The following PAFAH1B2 variants were observed in gnomAD, a reference collection of about 807,000 sequenced individuals.
PAFAH1B2 encodes platelet-activating factor acetylhydrolase IB subunit alpha2.
Under a neutral mutation model 28.0 loss-of-function variants are expected in PAFAH1B2, and 8 were observed. That is an observed-to-expected ratio of 0.29 (90% CI 0.17 to 0.52). The LOEUF (loss-of-function observed/expected upper bound fraction) is 0.52, where lower values mean the gene tolerates loss of function less well. Among genes scored for constraint, PAFAH1B2 ranks in the 20% least tolerant of loss-of-function variants. PAFAH1B2 has a pLI of 0.97. For missense variants in PAFAH1B2, 190 were observed against 282.6 expected (o/e 0.67, Z 2.35); for synonymous variants, 104 against 103.2 (o/e 1.01, Z -0.05).
chr11:117,148,614 A>G (rs1956069992), intron 1 of PAFAH1B2, among the ~76,000 whole-genome samples: 1 of 152,122 alleles, frequency 6.6e-6, no homozygotes, highest in Non-Finnish European at 1.5e-5. Flanking sequence ...CTGAAAATCC[A>G]TGCCTGTTTA....
chr11:117,145,565 C>A (rs1241463031), intron 1 of PAFAH1B2, among the ~76,000 whole-genome samples: 1 of 152,150 alleles, frequency 6.6e-6, no homozygotes, highest in Non-Finnish European at 1.5e-5. Context: ...ATAAAGGTTG[C>A]CTCCTTGTGG....
At chr11:117,148,755 CTT>C (rs1956072882) in intron 1 of PAFAH1B2, among the ~76,000 whole-genome samples, 1 of 152,050 alleles carries the variant, frequency 6.6e-6, no homozygotes, top group South Asian at 2.1e-4. Flanking sequence ...AGACCCTTCT[CTT>C]ATAATAATAA....
At chr11:117,158,804 C>G (rs1218397812) in intron 2 of PAFAH1B2, among the ~76,000 whole-genome samples, 3 of 152,086 alleles carry the variant, frequency 2.0e-5, no homozygotes, top group Non-Finnish European at 4.4e-5. Flanking sequence ...GCCACCACAC[C>G]TGGCTAATTT....
Position 117,167,749 on chromosome 11 carries a change from A to G in PAFAH1B2, c.*50A>G, listed in dbSNP as rs371397952. The G allele has an allele frequency of 9.7e-6, 14 of 1,444,878 alleles. No individual in the cohort carries two copies. The highest frequency in any genetic ancestry group is 2.2e-4 in the Middle Eastern group (1 of 4,492). The allele number at this position is 1,444,878 out of a possible 1,614,324, so 89.5% of individuals were successfully genotyped here. On this transcript the variant is annotated 3_prime_UTR_variant, in exon 6 of 6. Coordinates refer to ENST00000527958, the MANE Select transcript of PAFAH1B2 (RefSeq NM_002572.4). ...ATCTCAGCTTCCTCAGATCAGTTCT[A>G]TCACTGGCACTACAGAATCCTTCTC...
intron 1 of PAFAH1B2, among the ~76,000 whole-genome samples, 186 bp downstream of exon 1, chr11:117,144,604 G>C (rs1054786708): frequency 3.9e-5 from 6 of 152,108 alleles, no homozygotes; most frequent in African/African-American, 1.2e-4. Flanking sequence ...CCCAGCGTCG[G>C]CTTCCCAGCA....
In PAFAH1B2 at chr11:117,152,346, T is replaced by C. The variant is rs564619585; in HGVS notation, c.-7-95T>C. The C allele has an allele frequency of 5.6e-4, 405 of 725,984 alleles. 5 individuals are homozygous for C. The highest frequency in any genetic ancestry group is 7.1e-4 in the Middle Eastern group (3 of 4,220). 45.0% of individuals were successfully genotyped at this position (725,984 alleles called of 1,614,324 possible). A position where few individuals can be genotyped will look rare whatever the true frequency, so the allele number is the denominator to read the frequency against. ...TGTTTCTAGGCAAACCACATAAAAC[T>C]TTAATTATTATTTAAAGCCTGATGT... On this transcript the variant is annotated intron_variant, in intron 1 of 5. Coordinates refer to ENST00000527958, the MANE Select transcript of PAFAH1B2 (RefSeq NM_002572.4).
At chr11:117,174,795 A>T (rs1303640863), downstream of PAFAH1B2, 3 of 700,330 alleles carry the variant, frequency 4.3e-6, no homozygotes, top group Non-Finnish European at 6.7e-6. Flanking sequence ...CTGTATTTTT[A>T]GTAGAGACGG....
chr11:117,155,251 C>G (rs199965819), intron 2 of PAFAH1B2, among the ~76,000 whole-genome samples: 2 of 152,304 alleles, frequency 1.3e-5, no homozygotes, highest in East Asian at 3.9e-4. Flanking sequence ...CACCACATCC[C>G]TGGCCTAAAA....
downstream of PAFAH1B2, among the ~76,000 whole-genome samples, chr11:117,177,075 G>A (rs1359571567): frequency 6.6e-6 from 1 of 151,922 alleles, no homozygotes; most frequent in East Asian, 1.9e-4. Flanking sequence ...GGGCGTGGTG[G>A]CACATGGCCT....
At chr11:117,163,950 T>C (rs971173985) in intron 5 of PAFAH1B2, 58 bp downstream of exon 5, 17 of 1,557,458 alleles carry the variant, frequency 1.1e-5, no homozygotes, top group African/African-American at 1.4e-5. Context: ...GAGGAATCTT[T>C]TTAGAAATGT....
chr11:117,156,042 C>A (rs768005341), intron 2 of PAFAH1B2, among the ~76,000 whole-genome samples: 2 of 152,004 alleles, frequency 1.3e-5, no homozygotes, highest in Non-Finnish European at 2.9e-5. Context: ...AAAAAAAATT[C>A]ACTGGGCATG....
downstream of PAFAH1B2, chr11:117,175,376 A>G (rs1406001082): frequency 9.3e-7 from 1 of 1,070,100 alleles, no homozygotes; most frequent in Admixed American, 5.3e-5. Flanking sequence ...ACCTATTCAT[A>G]AGTGCGGGGT....
At chr11:117,148,445 C>T (rs552571998) in intron 1 of PAFAH1B2, among the ~76,000 whole-genome samples, 1 of 152,274 alleles carries the variant, frequency 6.6e-6, no homozygotes, top group Non-Finnish European at 1.5e-5. Context: ...CCCACCTGTC[C>T]TGTGTTGTTT....
downstream of PAFAH1B2, among the ~76,000 whole-genome samples, chr11:117,172,376 A>T (rs369513106): frequency 1.2e-3 from 15 of 12,976 alleles, no homozygotes; most frequent in South Asian, 4.1e-3. Flanking sequence ...ATATATATAT[A>T]TATATATATA....
In PAFAH1B2 at chr11:117,164,757, C is replaced by T. The variant is rs142740685; in HGVS notation, c.411+865C>T. On this transcript the variant is annotated intron_variant, in intron 5 of 5. Transcript: ENST00000527958. ...TCAGTATAAAAGTCTAGCTGTAGGC[C>T]GGGTGTGGTGGCTCACGTCTGTAAT... Among the ~76,000 whole-genome samples the T allele has an allele frequency of 3.2e-4, 49 of 151,868 alleles. 1 individual carries two copies. The East Asian group carries it at 6.1e-3, about 19-fold the overall frequency.
chr11:117,152,396 C>T, intron 1 of PAFAH1B2, 45 bp from the exon 2 acceptor site: 1 of 1,167,708 alleles, frequency 8.6e-7, no homozygotes, highest in Non-Finnish European at 1.3e-6. Flanking sequence ...TGGTAACAAA[C>T]CTTCCTGTTA....
downstream of PAFAH1B2, among the ~76,000 whole-genome samples, chr11:117,174,265 C>G (rs1207193098): frequency 6.6e-6 from 1 of 151,004 alleles, no homozygotes; most frequent in Non-Finnish European, 1.5e-5. Flanking sequence ...CACACTGCAA[C>G]CTCTGCCTCC....
At chr11:117,155,828 C>G (rs1048439104) in intron 2 of PAFAH1B2, among the ~76,000 whole-genome samples, 3 of 152,046 alleles carry the variant, frequency 2.0e-5, no homozygotes, top group South Asian at 2.1e-4. Context: ...TCAAGACCAG[C>G]CTCGGCAACA....
rs1565276567 is a variant in PAFAH1B2, at chr11:117,170,092, ATTTTT to A, written c.*2395_*2399del. The stretch of plus-strand genomic sequence containing the variant: ...ATGTGCAGATATTGAGTTCACTTTC[ATTTTT>A]TGCCAGATTTCTTTGCACTACTTTA... On this transcript the variant is annotated 3_prime_UTR_variant, in exon 6 of 6. Coordinates refer to ENST00000527958, the MANE Select transcript of PAFAH1B2 (RefSeq NM_002572.4). 4 of 1,055,388 alleles carry A rather than the reference ATTTTT, an allele frequency of 3.8e-6. No individual in the cohort carries two copies. The African/African-American group carries it at 6.6e-5, about 17-fold the overall frequency. The allele number at this position is 1,055,388 out of a possible 1,614,324, so 65.4% of individuals were successfully genotyped here. A position where few individuals can be genotyped will look rare whatever the true frequency, so the allele number is the denominator to read the frequency against.
Sources: allele counts gnomAD v4.1 joint callset (sites outside exome capture counted in the v4.1 genomes callset), GRCh38; gene constraint gnomAD v4.1.1; transcripts MANE v1.5; gene names NCBI Gene and HGNC (gene_info 2026-07-23, HGNC 2026-07-21).